CSMD3: variants seen among roughly 807,000 people sequenced by gnomAD.
CSMD3 encodes CUB and Sushi multiple domains 3, also known as CUB and sushi domain-containing protein 3.
CSMD3 carries 177 observed loss-of-function variants against 435.2 expected under a neutral mutation model. The ratio of observed to expected loss-of-function variants is 0.41; its 90% confidence interval spans 0.36 to 0.46. The LOEUF (loss-of-function observed/expected upper bound fraction) is 0.46. Among genes scored for constraint, CSMD3 ranks in the 20% least tolerant of loss-of-function variants. CSMD3 has a pLI of 0.34. For synonymous variants in CSMD3, 1,656 were observed against 1,520.5 expected (o/e 1.09, Z -2.07); for missense variants, 4,265 against 4,504.6 (o/e 0.95, Z 1.52).
rs767507309 is a variant in CSMD3, at chr8:112,503,960, T to C, written c.4913A>G (p.Asn1638Ser). The change falls in exon 30 of 71, where the codon AAC becomes AGC. Residue 1638 changes from asparagine to serine, a missense_variant. By Grantham distance (46) the Asn-to-Ser change is conservative. This residue lies in a region of CSMD3 where 3,255 missense variants were observed against 3,380.2 expected (regional missense o/e 0.96). Transcript: ENST00000297405. ...LAFISFSIEP[N>S]YDFLYIYDGP... ...ATCATAGATATAGAGGAAGTCATAG[T>C]TTGGTTCTATGCTAAAACTGAAAAA... 1.9e-6 allele frequency: 3 copies of C among 1,607,802 alleles called. No homozygotes were observed. In the South Asian group the frequency reaches 3.3e-5, roughly 18 times the overall value.
At chr8:113,213,550 G>A (rs927110491) in intron 3 of CSMD3, among the ~76,000 whole-genome samples, 3 of 149,218 alleles carry the variant, frequency 2.0e-5, no homozygotes, top group Admixed American at 6.7e-5. Flanking sequence ...TAAGTCATTA[G>A]TGAAATCTAC....
chr8:113,111,624 T>C (rs1281575384), intron 4 of CSMD3, among the ~76,000 whole-genome samples: 1 of 152,264 alleles, frequency 6.6e-6, no homozygotes, highest in African/African-American at 2.4e-5. Context: ...TTGCAGTCAA[T>C]ATACAGAACG....
At chr8:113,004,860 A>C (rs2085997254) in intron 6 of CSMD3, among the ~76,000 whole-genome samples, 1 of 151,026 alleles carries the variant, frequency 6.6e-6, no homozygotes, top group African/African-American at 2.4e-5. Context: ...TTAATGATAA[A>C]ATTATAATGC....
At chr8:112,958,741 C>A (rs1289513246) in intron 7 of CSMD3, among the ~76,000 whole-genome samples, 1 of 152,048 alleles carries the variant, frequency 6.6e-6, no homozygotes, top group Non-Finnish European at 1.5e-5. Context: ...GATTTTGTTT[C>A]CAATATCAAC....
chr8:112,418,027 T>C (rs1563922195), intron 32 of CSMD3, among the ~76,000 whole-genome samples: 1 of 152,170 alleles, frequency 6.6e-6, no homozygotes, highest in South Asian at 2.1e-4. Flanking sequence ...TTGTTAAAAA[T>C]TGTATCACCC....
intron 9 of CSMD3, among the ~76,000 whole-genome samples, chr8:112,927,106 A>G (rs2082935998): frequency 6.6e-6 from 1 of 152,152 alleles, no homozygotes; most frequent in Non-Finnish European, 1.5e-5. Context: ...AATATCTTTA[A>G]AAGTCTAATT....
intron 1 of CSMD3, among the ~76,000 whole-genome samples, chr8:113,384,525 G>A (rs2094431319): frequency 6.6e-6 from 1 of 152,146 alleles, no homozygotes; most frequent in Admixed American, 6.6e-5. Flanking sequence ...CATCTCTAGA[G>A]CTGGAGAAAC....
In CSMD3 at chr8:113,300,887, A is replaced by G. The variant is rs2093760771; in HGVS notation, c.401+13684T>C. Among the ~76,000 whole-genome samples the G allele has an allele frequency of 2.0e-5, 3 of 152,146 alleles. No homozygotes were observed. The South Asian group carries it at 6.2e-4, about 32-fold the overall frequency. On this transcript the variant is annotated intron_variant, in intron 2 of 70. Coordinates refer to ENST00000297405, the MANE Select transcript of CSMD3 (RefSeq NM_198123.2). ...TTATACAAGTGTGACAAATGCATAC[A>G]ATTGAGTTAAAATGAGTGAAAATGA...
chr8:112,579,690 T>G (rs1830203068), intron 23 of CSMD3, among the ~76,000 whole-genome samples: 1 of 152,004 alleles, frequency 6.6e-6, no homozygotes, highest in South Asian at 2.1e-4. Context: ...TAAGTGCTAT[T>G]CCCAAAGACT....
intron 4 of CSMD3, among the ~76,000 whole-genome samples, chr8:113,141,367 CA>C (rs1266795348): frequency 6.7e-6 from 1 of 149,856 alleles, no homozygotes; most frequent in East Asian, 2.0e-4. Context: ...AAAACTATGC[CA>C]AAAAAGAAGA....
chr8:112,793,423 T>C (rs1277145755), intron 13 of CSMD3, among the ~76,000 whole-genome samples: 1 of 151,832 alleles, frequency 6.6e-6, no homozygotes, highest in African/African-American at 2.4e-5. Flanking sequence ...TGTATTTCCA[T>C]GTTAACATAT....
At chr8:112,923,153 A>G (rs768427956) in intron 9 of CSMD3, among the ~76,000 whole-genome samples, 6 of 152,110 alleles carry the variant, frequency 3.9e-5, no homozygotes, top group Non-Finnish European at 8.8e-5. Flanking sequence ...TATGATTGCA[A>G]TAGTCCTTCT....
intron 3 of CSMD3, among the ~76,000 whole-genome samples, chr8:113,204,509 T>C (rs1221308232): frequency 6.6e-6 from 1 of 152,094 alleles, no homozygotes; most frequent in East Asian, 1.9e-4. Flanking sequence ...GTAAGAACAA[T>C]TTTTAAATAA....
intron 32 of CSMD3, among the ~76,000 whole-genome samples, chr8:112,442,554 C>T (rs954030770): frequency 6.6e-6 from 1 of 152,076 alleles, no homozygotes; most frequent in African/African-American, 2.4e-5. Flanking sequence ...TTTACTTTTA[C>T]TTCTTTTCCT....
chr8:113,204,967 A>C (rs2092754890), intron 3 of CSMD3, among the ~76,000 whole-genome samples: 1 of 151,062 alleles, frequency 6.6e-6, no homozygotes, highest in Non-Finnish European at 1.5e-5. Flanking sequence ...AAAAAGAGAG[A>C]GAGCTTGTGC....
intron 64 of CSMD3, 62 bp from the exon 65 acceptor site, chr8:112,244,635 AG>A: frequency 7.7e-7 from 1 of 1,294,040 alleles, no homozygotes; most frequent in Non-Finnish European, 1.1e-6. Context: ...AATTTGAGAC[AG>A]GAGTCACAAT....
intron 9 of CSMD3, among the ~76,000 whole-genome samples, chr8:112,942,914 A>C (rs1205509937): frequency 1.3e-5 from 2 of 151,862 alleles, no homozygotes; most frequent in Non-Finnish European, 2.9e-5. Context: ...AATGTCTTCC[A>C]AAGTGGCTTT....
intron 10 of CSMD3, among the ~76,000 whole-genome samples, chr8:112,904,150 T>C (rs1039136332): frequency 1.3e-5 from 2 of 151,394 alleles, no homozygotes; most frequent in South Asian, 2.1e-4. Context: ...AACTAGGCTG[T>C]CTTCCCAAAA....
At chr8:112,592,350 T>G (rs1563741910) in intron 22 of CSMD3, among the ~76,000 whole-genome samples, 1 of 152,136 alleles carries the variant, frequency 6.6e-6, no homozygotes, top group East Asian at 1.9e-4. Flanking sequence ...GCAATAATAG[T>G]ACTTAACTGG....
Sources: gnomAD v4.1 joint callset for allele counts (sites outside exome capture counted in the v4.1 genomes callset) on GRCh38, gnomAD v4.1.1 for gene constraint, gnomAD v4.1.1 regional missense constraint, MANE v1.5 for transcripts, NCBI Gene and HGNC (gene_info 2026-07-23, HGNC 2026-07-21) for gene names.